The following HSD17B12 variants were observed in gnomAD, a reference collection of about 807,000 sequenced individuals.
HSD17B12 encodes the protein hydroxysteroid 17-beta dehydrogenase 12, also known as very-long-chain 3-oxoacyl-CoA reductase.
HSD17B12 carries 32 observed loss-of-function variants against 39.3 expected under a neutral mutation model. The observed-to-expected ratio is 0.81, with a 90% CI of 0.61 to 1.09. The LOEUF is 1.09. HSD17B12 is among the 50% of genes least tolerant of loss of function. The probability of loss-of-function intolerance (pLI) is 0.00; values close to 1 mark genes in which losing one functional copy is unlikely to be tolerated. For synonymous variants in HSD17B12, 150 were observed against 146.7 expected (o/e 1.02, Z -0.16); for missense variants, 342 against 382.9 (o/e 0.89, Z 0.89).
At chr11:43,782,877 A>G (rs1950779662) in intron 3 of HSD17B12, among the ~76,000 whole-genome samples, 1 of 152,212 alleles carries the variant, frequency 6.6e-6, no homozygotes, top group South Asian at 2.1e-4. Flanking sequence ...ATAAGAGACA[A>G]AAGTTATCAT....
chr11:43,772,584 A>G (rs1281480716), intron 3 of HSD17B12, among the ~76,000 whole-genome samples: 1 of 152,228 alleles, frequency 6.6e-6, no homozygotes, highest in Non-Finnish European at 1.5e-5. Context: ...TTGGTAGATG[A>G]AAGAAATCAA....
intron 3 of HSD17B12, among the ~76,000 whole-genome samples, chr11:43,766,996 A>G (rs950459572): frequency 2.6e-5 from 4 of 152,188 alleles, no homozygotes; most frequent in African/African-American, 9.7e-5. Flanking sequence ...TGGCCCAGCT[A>G]AATTAGCATG....
intron 1 of HSD17B12, among the ~76,000 whole-genome samples, chr11:43,715,549 G>T (rs571911716): frequency 1.3e-4 from 20 of 152,262 alleles, no homozygotes; most frequent in African/African-American, 4.8e-4. Flanking sequence ...GAGGATTTTT[G>T]CATCAATGTT....
At chr11:43,719,481 G>A (rs1950156175) in intron 1 of HSD17B12, among the ~76,000 whole-genome samples, 1 of 152,042 alleles carries the variant, frequency 6.6e-6, no homozygotes, top group Non-Finnish European at 1.5e-5. Flanking sequence ...AGTTTGAAGG[G>A]TATTAGCATC....
the HSD17B12 span, among the ~76,000 whole-genome samples, chr11:43,581,939 G>T: frequency 2.5e-4 from 38 of 152,304 alleles, no homozygotes; most frequent in Non-Finnish European, 4.6e-4. This position sits in a 1 kb window ranked among gnomAD's most constrained non-coding sequence, Gnocchi z 4.9. Context: ...GCAATATGGG[G>T]GTGGGGAAGC....
chr11:43,778,529 C>A (rs1339204005), intron 3 of HSD17B12, among the ~76,000 whole-genome samples: 9 of 147,504 alleles, frequency 6.1e-5, no homozygotes, highest in Admixed American at 1.4e-4. Context: ...AGAGACACAA[C>A]CAAAAAAGAG....
chr11:43,818,769 T>A (rs1230154543), intron 6 of HSD17B12, among the ~76,000 whole-genome samples: 1 of 152,172 alleles, frequency 6.6e-6, no homozygotes, highest in Non-Finnish European at 1.5e-5. Flanking sequence ...ACATGGCTAA[T>A]AGGAATATAT....
chr11:43,717,509 G>A (rs1950134762), intron 1 of HSD17B12, among the ~76,000 whole-genome samples: 1 of 152,056 alleles, frequency 6.6e-6, no homozygotes, highest in South Asian at 2.1e-4. Context: ...TTATGATTTT[G>A]TGGATCCGGA....
In HSD17B12 at chr11:43,842,383, C is replaced by T. The variant is rs565692480; in HGVS notation, c.684+2319C>T. On this transcript the variant is annotated intron_variant, in intron 9 of 10. Coordinates refer to ENST00000278353, the MANE Select transcript of HSD17B12 (RefSeq NM_016142.3). ...CTAAGAGCCTGCTTCCTCTAAACCC[C>T]GACCTGAGCTTTCATCCAAGGGAAG... is the stretch of plus-strand genomic sequence containing the variant. 5.8e-4 allele frequency among the ~76,000 whole-genome samples: 88 copies of T among 152,266 alleles called. 2 individuals carry two copies. In the South Asian group the frequency reaches 0.015, roughly 26 times the overall value.
chr11:43,776,067 C>T (rs1354263187), intron 3 of HSD17B12, among the ~76,000 whole-genome samples: 2 of 152,100 alleles, frequency 1.3e-5, no homozygotes, highest in Admixed American at 6.5e-5. Context: ...AATAAACATA[C>T]GTGTGCATGC....
chr11:43,602,007 C>A, the HSD17B12 span, among the ~76,000 whole-genome samples: 1 of 152,154 alleles, frequency 6.6e-6, no homozygotes, highest in Admixed American at 6.5e-5. Context: ...TTTGGCCATG[C>A]CCCTGTCCTT....
At chr11:43,755,037 A>T (rs1222198915) in intron 3 of HSD17B12, 1 of 526,578 alleles carries the variant, frequency 1.9e-6, no homozygotes, top group Non-Finnish European at 3.4e-6. Flanking sequence ...TCTGTGTATA[A>T]TGCTTATATA....
chr11:43,780,401 C>G (rs1950753477), intron 3 of HSD17B12, among the ~76,000 whole-genome samples: 1 of 152,186 alleles, frequency 6.6e-6, no homozygotes, highest in African/African-American at 2.4e-5. Context: ...CTCCTGACCT[C>G]AGGTGATCCA....
the HSD17B12 span, among the ~76,000 whole-genome samples, chr11:43,620,878 A>G: frequency 6.6e-6 from 1 of 152,242 alleles, no homozygotes. Context: ...AACTCCCAGG[A>G]ACAATAATGT....
chr11:43,653,415 T>C, the HSD17B12 span, among the ~76,000 whole-genome samples: 2 of 152,180 alleles, frequency 1.3e-5, no homozygotes, highest in Admixed American at 6.5e-5. Flanking sequence ...CTTATTATTA[T>C]TATACTTTAA....
chr11:43,815,627 T>C, intron 5 of HSD17B12, 126 bp downstream of exon 5: 1 of 533,450 alleles, frequency 1.9e-6, no homozygotes. Context: ...GTTTACTACC[T>C]GAGTTCCCTG....
intron 5 of HSD17B12, 95 bp from the exon 6 acceptor site, chr11:43,816,252 A>G: frequency 9.6e-7 from 1 of 1,042,496 alleles, no homozygotes; most frequent in Non-Finnish European, 1.3e-6. Flanking sequence ...ATATCTGGGG[A>G]AATGTTCAAT....
the HSD17B12 span, chr11:43,581,283 G>T: frequency 6.5e-6 from 3 of 463,650 alleles, no homozygotes; most frequent in South Asian, 3.1e-5. The surrounding 1 kb of genome is among the most constrained non-coding windows in gnomAD (Gnocchi z 4.9). Context: ...GCGCGGAGTG[G>T]TGAGACTGAG....
the HSD17B12 span, among the ~76,000 whole-genome samples, chr11:43,639,849 G>A: frequency 6.6e-6 from 1 of 152,156 alleles, no homozygotes; most frequent in African/African-American, 2.4e-5. Flanking sequence ...GGTGTCTGCG[G>A]TTGGCATTCT....
Sources: allele counts gnomAD v4.1 joint callset (sites outside exome capture counted in the v4.1 genomes callset), GRCh38; gene constraint gnomAD v4.1.1; non-coding constraint Gnocchi (gnomAD v3.1); transcripts MANE v1.5; gene names NCBI Gene and HGNC (gene_info 2026-07-23, HGNC 2026-07-21).